ZNF503: variants seen among roughly 807,000 people sequenced by gnomAD.
ZNF503 encodes zinc finger protein 503, also known as NocA-like zinc finger 2.
In ZNF503, 15 loss-of-function variants were observed where a neutral mutation model predicts 34.4. That is an observed-to-expected ratio of 0.44 (90% confidence interval 0.29 to 0.67). ZNF503 has a LOEUF of 0.67. ZNF503 is among the 30% of genes least tolerant of loss of function. The probability of loss-of-function intolerance (pLI) is 0.13; values close to 1 mark genes in which losing one functional copy is unlikely to be tolerated. For synonymous variants in ZNF503, 580 were observed against 456.8 expected (o/e 1.27, Z -3.44); for missense variants, 1,007 against 926.8 (o/e 1.09, Z -1.12).
chr10:75,357,504 C>A, the ZNF503 span, among the ~76,000 whole-genome samples: 5 of 152,068 alleles, frequency 3.3e-5, no homozygotes, highest in Non-Finnish European at 1.5e-5. Context: ...GGCAACAGAG[C>A]GAGACTCTGT....
the ZNF503 span, among the ~76,000 whole-genome samples, chr10:75,288,933 G>T: frequency 2.0e-5 from 3 of 152,204 alleles, no homozygotes; most frequent in Non-Finnish European, 2.9e-5. Flanking sequence ...GTTGAGGGGG[G>T]CTGATCTGGC....
chr10:75,348,004 C>T, the ZNF503 span, among the ~76,000 whole-genome samples: 6 of 152,170 alleles, frequency 3.9e-5, no homozygotes, highest in African/African-American at 1.4e-4. Flanking sequence ...TTGCCTCAGC[C>T]TCTGAATAGC....
chr10:75,287,350 A>G, the ZNF503 span, among the ~76,000 whole-genome samples: 1 of 151,862 alleles, frequency 6.6e-6, no homozygotes, highest in Non-Finnish European at 1.5e-5. Flanking sequence ...CAAGCACACT[A>G]TGTTCTCTCC....
At chr10:75,375,286 A>T in the ZNF503 span, among the ~76,000 whole-genome samples, 1 of 151,880 alleles carries the variant, frequency 6.6e-6, no homozygotes, top group African/African-American at 2.4e-5. Flanking sequence ...ACACCTGGCT[A>T]ATTTTTTTGT....
chr10:75,401,240 C>T lies in ZNF503; in HGVS notation c.180G>A (p.Val60=), dbSNP rs751770178. 2.5e-6 allele frequency: 4 copies of T among 1,607,112 alleles called. No homozygotes were observed. In the South Asian group the frequency reaches 3.3e-5, roughly 13 times the overall value. Residue 60 remains valine, a synonymous_variant, in exon 1 of 2, where the codon GTG becomes GTA. Coordinates refer to ENST00000372524, the MANE Select transcript of ZNF503 (RefSeq NM_032772.6). ...CCTGGCGCAGGGGGTCAGAGGGGGG[C>T]ACGGCGTGCACAAAAGGCTTGGTGC... is the stretch of plus-strand genomic sequence containing the variant. ...AGSTKPFVHA[V]PPSDPLRQAN...
the ZNF503 span, among the ~76,000 whole-genome samples, chr10:75,294,471 GTAT>G: frequency 3.9e-5 from 6 of 152,172 alleles, no homozygotes; most frequent in East Asian, 3.8e-4. Flanking sequence ...GTAAATGATT[GTAT>G]TATTATTATT....
chr10:75,401,195 C>T lies in ZNF503; in HGVS notation c.225G>A (p.Lys75=). The part of the protein sequence containing the change: ...PLRQANRLPI[K]VLKMLTARTG... ...TTCGTGCCGTCAGCATCTTCAGCAC[C>T]TTGATTGGCAGGCGGTTGGCCTGGC... Residue 75 remains lysine (K), a synonymous_variant, in exon 1 of 2, where the codon AAG becomes AAA. Transcript: ENST00000372524. 6.2e-7 allele frequency: 1 copy of T among 1,609,468 alleles called. No individual in the cohort carries two copies. The highest frequency in any genetic ancestry group is 8.5e-7 in the Non-Finnish European group (1 of 1,177,372).
chr10:75,369,933 G>T, the ZNF503 span, among the ~76,000 whole-genome samples: 1 of 152,060 alleles, frequency 6.6e-6, no homozygotes, highest in Non-Finnish European at 1.5e-5. Flanking sequence ...CTTGCGTGGT[G>T]GTGTGTGCCT....
chr10:75,339,586 C>G, the ZNF503 span, among the ~76,000 whole-genome samples: 1 of 152,232 alleles, frequency 6.6e-6, no homozygotes, highest in Middle Eastern at 3.4e-3. Flanking sequence ...TTGTCAAGAG[C>G]TAAAGAGAGA....
the ZNF503 span, among the ~76,000 whole-genome samples, chr10:75,344,158 C>T: frequency 6.6e-6 from 1 of 152,232 alleles, no homozygotes; most frequent in Non-Finnish European, 1.5e-5. Context: ...AAATCAGGCT[C>T]CTTGGGTGGG....
chr10:75,332,789 G>C, the ZNF503 span, among the ~76,000 whole-genome samples: 1 of 146,058 alleles, frequency 6.8e-6, no homozygotes, highest in Admixed American at 6.8e-5. Flanking sequence ...CACCGGGTTG[G>C]GGGTAAGGTC....
At chr10:75,375,243 C>T in the ZNF503 span, among the ~76,000 whole-genome samples, 1 of 152,104 alleles carries the variant, frequency 6.6e-6, no homozygotes, top group African/African-American at 2.4e-5. Context: ...GCCTCAGCCT[C>T]CTGAGTAGCT....
At chr10:75,341,231 A>T in the ZNF503 span, among the ~76,000 whole-genome samples, 6 of 152,236 alleles carry the variant, frequency 3.9e-5, no homozygotes, top group African/African-American at 1.4e-4. Flanking sequence ...AGTTGTAAAG[A>T]GACTGCCCCT....
chr10:75,301,252 C>CT, the ZNF503 span, among the ~76,000 whole-genome samples: 6 of 151,732 alleles, frequency 4.0e-5, no homozygotes, highest in Admixed American at 3.3e-4. Context: ...TTTTTCTTTT[C>CT]TTTTTTTTGA....
the ZNF503 span, among the ~76,000 whole-genome samples, chr10:75,299,579 G>A: frequency 3.3e-5 from 5 of 151,680 alleles, no homozygotes; most frequent in East Asian, 3.9e-4. Context: ...TCTAATTATC[G>A]GGGGAAATTC....
chr10:75,394,358 G>C (rs982597081), downstream of ZNF503, among the ~76,000 whole-genome samples: 2 of 152,226 alleles, frequency 1.3e-5, no homozygotes, highest in African/African-American at 4.8e-5. Context: ...TGACAGATGT[G>C]AGCAGGTCAG....
At chr10:75,287,909 C>T in the ZNF503 span, among the ~76,000 whole-genome samples, 1 of 152,186 alleles carries the variant, frequency 6.6e-6, no homozygotes, top group African/African-American at 2.4e-5. Context: ...CATTCACTGT[C>T]CAGGATAGGG....
chr10:75,334,242 T>C, the ZNF503 span, among the ~76,000 whole-genome samples: 1 of 152,108 alleles, frequency 6.6e-6, no homozygotes, highest in Admixed American at 6.5e-5. Flanking sequence ...AGCCGCTGCC[T>C]CCCGGGCGGC....
chr10:75,339,832 A>C, the ZNF503 span, among the ~76,000 whole-genome samples: 2 of 152,088 alleles, frequency 1.3e-5, no homozygotes, highest in Non-Finnish European at 2.9e-5. Flanking sequence ...GTCATGGGAA[A>C]TGGGTTGTGA....
Sources: allele counts gnomAD v4.1 joint callset (sites outside exome capture counted in the v4.1 genomes callset), GRCh38; gene constraint gnomAD v4.1.1; transcripts MANE v1.5; gene names NCBI Gene and HGNC (gene_info 2026-07-23, HGNC 2026-07-21).